ASCC2: variants seen among roughly 807,000 people sequenced by gnomAD.
The protein encoded by ASCC2 is activating signal cointegrator 1 complex subunit 2, also known as ASC-1 complex subunit P100.
ASCC2 carries 42 observed loss-of-function variants against 93.5 expected under a neutral mutation model. The ratio of observed to expected loss-of-function variants is 0.45; its 90% CI spans 0.35 to 0.58. ASCC2 has a LOEUF of 0.58. ASCC2 is among the 20% of genes least tolerant of loss of function. The pLI is 0.00. For synonymous variants in ASCC2, 364 were observed against 384.2 expected, an observed-to-expected ratio of 0.95 and a Z score of 0.62; for missense variants, 859 against 977.6, an observed-to-expected ratio of 0.88 and a Z score of 1.62.
intron 14 of ASCC2, among the ~76,000 whole-genome samples, 180 bp downstream of exon 14, chr22:29,801,794 CTCTGCCCTGCCTGGGGCAAG>C (rs769622498): frequency 7.2e-4 from 109 of 152,276 alleles, no homozygotes; most frequent in Non-Finnish European, 1.3e-3. Flanking sequence ...TGTGTACACT[CTCTGCCCTGCCTGGGGCAAG>C]TGAAAAACTC....
At chr22:29,834,339 C>G (rs890914569) in intron 1 of ASCC2, 1 of 364,812 alleles carries the variant, frequency 2.7e-6, no homozygotes, top group Non-Finnish European at 5.6e-6. Context: ...AGAAGGGTGC[C>G]CCAGGCAGAG....
chr22:29,826,491 T>A (rs1014587482), intron 2 of ASCC2, among the ~76,000 whole-genome samples: 12 of 152,026 alleles, frequency 7.9e-5, no homozygotes, highest in African/African-American at 2.7e-4. Flanking sequence ...AATTTTTTTT[T>A]AGTAGAGATG....
At chr22:29,808,867 C>G (rs1230026441) in intron 8 of ASCC2, among the ~76,000 whole-genome samples, 1 of 151,388 alleles carries the variant, frequency 6.6e-6, no homozygotes, top group Non-Finnish European at 1.5e-5. Context: ...GCCTGTAATC[C>G]TAGCACTCTG....
intron 19 of ASCC2, among the ~76,000 whole-genome samples, chr22:29,790,039 A>G (rs1460495410): frequency 6.6e-6 from 1 of 152,074 alleles, no homozygotes; most frequent in South Asian, 2.1e-4. Flanking sequence ...TAGGGGCCCA[A>G]CTCAAGTGCC....
intron 1 of ASCC2, chr22:29,833,456 C>T (rs897450849): frequency 4.5e-5 from 17 of 376,912 alleles, no homozygotes; most frequent in Non-Finnish European, 7.3e-5. Context: ...GGAAGAAGGA[C>T]GTGGAAAAAG....
At chr22:29,808,809 C>CAA (rs564026837) in intron 8 of ASCC2, among the ~76,000 whole-genome samples, 81 of 104,578 alleles carry the variant, frequency 7.7e-4, no homozygotes, top group East Asian at 1.8e-3. Context: ...GACCCTATCT[C>CAA]AAAAAAAAAA....
At chr22:29,823,646 G>A (rs1381444545) in intron 4 of ASCC2, among the ~76,000 whole-genome samples, 4 of 152,058 alleles carry the variant, frequency 2.6e-5, no homozygotes, top group African/African-American at 4.8e-5. Context: ...TCAGGAGTTC[G>A]GGATCAGCCT....
At chr22:29,804,351 T>C (rs1402844399) in intron 13 of ASCC2, among the ~76,000 whole-genome samples, 3 of 152,198 alleles carry the variant, frequency 2.0e-5, no homozygotes, top group Non-Finnish European at 4.4e-5. Context: ...GAAGGGCTCA[T>C]GGAAACGTTC....
chr22:29,792,460 TTCCTCATCGTCGTCA>T lies in ASCC2; in HGVS notation c.1980_1994del (p.Asp660_Glu664del). 4 of 1,614,010 alleles carry T rather than the reference TTCCTCATCGTCGTCA, an allele frequency of 2.5e-6. No individual in the cohort carries two copies. The South Asian group carries it at 3.3e-5, about 13-fold the overall frequency. ...TGGGAGCCTCCTCGTCAGCATCGTC[TTCCTCATCGTCGTCA>T]TCCTCCTCCTGCCCTTCTCTAGGCA... On this transcript the variant is annotated inframe_deletion, in exon 18 of 20. Transcript: ENST00000307790.
intron 8 of ASCC2, among the ~76,000 whole-genome samples, chr22:29,813,153 T>G (rs1466518933): frequency 6.6e-6 from 1 of 152,158 alleles, no homozygotes; most frequent in South Asian, 2.1e-4. Flanking sequence ...AGTGCTAGGA[T>G]GACAGGCATG....
At chr22:29,837,400 T>C (rs1480774938) in intron 1 of ASCC2, among the ~76,000 whole-genome samples, 2 of 152,068 alleles carry the variant, frequency 1.3e-5, no homozygotes, top group South Asian at 2.1e-4. Flanking sequence ...GCCACTGCAC[T>C]CCAGCCTGGG....
chr22:29,811,097 A>C (rs1334155488), intron 8 of ASCC2, among the ~76,000 whole-genome samples: 1 of 152,240 alleles, frequency 6.6e-6, no homozygotes, highest in African/African-American at 2.4e-5. Flanking sequence ...GGGATCTGGT[A>C]TTCCATACAG....
intron 1 of ASCC2, among the ~76,000 whole-genome samples, chr22:29,835,180 C>G (rs925578385): frequency 1.4e-4 from 22 of 152,082 alleles, no homozygotes; most frequent in Non-Finnish European, 2.9e-4. Context: ...GAGGATTGCT[C>G]GAAGCCAGGA....
chr22:29,833,056 G>GT (rs1341028013), intron 1 of ASCC2, among the ~76,000 whole-genome samples: 1 of 152,070 alleles, frequency 6.6e-6, no homozygotes, highest in African/African-American at 2.4e-5. Flanking sequence ...GCGCTCACAG[G>GT]TGTGAGCCTC....
chr22:29,802,566 T>G (rs968152264), intron 13 of ASCC2, among the ~76,000 whole-genome samples: 1 of 151,716 alleles, frequency 6.6e-6, no homozygotes, highest in African/African-American at 2.4e-5. Context: ...TTTGGGAGGC[T>G]GAGGCAAGAG....
chr22:29,836,382 A>G, intron 1 of ASCC2: 1 of 134,498 alleles, frequency 7.4e-6, no homozygotes. Flanking sequence ...TCCATCTCAA[A>G]AAAAAAAAAA....
In ASCC2 at chr22:29,829,192, T is replaced by C. The variant is rs1395887626; in HGVS notation, c.81+3053A>G. Among the ~76,000 whole-genome samples the C allele has an allele frequency of 2.0e-5, 3 of 152,156 alleles. No homozygotes were observed. In the East Asian group the frequency reaches 5.8e-4, roughly 30 times the overall value. ...TCCACCTCAAAAAAAAAATTCCCTT[T>C]CTTTTCATAGGTGTTGGCAAATTGT... On this transcript the variant is annotated intron_variant, in intron 2 of 19. Coordinates refer to ENST00000307790, the MANE Select transcript of ASCC2 (RefSeq NM_032204.5).
chr22:29,792,160 T>A (rs1323860673), intron 18 of ASCC2, among the ~76,000 whole-genome samples: 1 of 152,154 alleles, frequency 6.6e-6, no homozygotes, highest in Non-Finnish European at 1.5e-5. Flanking sequence ...GCCCTTCTCC[T>A]GACTCCTAGG....
chr22:29,801,828 C>T (rs548843745), intron 14 of ASCC2, among the ~76,000 whole-genome samples, 166 bp downstream of exon 14: 3 of 152,268 alleles, frequency 2.0e-5, no homozygotes, highest in African/African-American at 4.8e-5. Flanking sequence ...AAAACTCCTG[C>T]GGGGCCTAAG....
Sources: gnomAD v4.1 joint callset for allele counts (sites outside exome capture counted in the v4.1 genomes callset) on GRCh38, gnomAD v4.1.1 for gene constraint, MANE v1.5 for transcripts, NCBI Gene and HGNC (gene_info 2026-07-23, HGNC 2026-07-21) for gene names.